Variants in OLR1 observed in about 807,000 individuals in gnomAD.
OLR1 encodes the protein oxidized low density lipoprotein receptor 1, also known as oxidized low-density lipoprotein receptor 1.
In OLR1, 23 loss-of-function variants were observed where a neutral mutation model predicts 31.7. The ratio of observed to expected loss-of-function variants is 0.72; its 90% CI spans 0.52 to 1.03. OLR1 has a LOEUF of 1.03. OLR1 is among the 50% of genes least tolerant of loss of function. The pLI is 0.00. For synonymous variants in OLR1, 117 were observed against 115.8 expected (o/e 1.01, Z -0.07); for missense variants, 286 against 315.7 (o/e 0.91, Z 0.71).
rs775134477 is a variant in OLR1, at chr12:10,159,877, A to T, written c.*3T>A. ...TTTTTCTTTTCTTCCAGAGCCTTCA[A>T]ATTCACTGTGCTCTTAGGTTTGCCT... On this transcript the variant is annotated 3_prime_UTR_variant, in exon 6 of 6. Coordinates refer to ENST00000309539, the MANE Select transcript of OLR1 (RefSeq NM_002543.4). 1.2e-6 allele frequency: 2 copies of T among 1,603,580 alleles called. No individual in the cohort carries two copies. The highest frequency in any genetic ancestry group is 1.7e-6 in the Non-Finnish European group (2 of 1,174,786).
chr12:10,165,903 G>A (rs1275255571), intron 3 of OLR1, among the ~76,000 whole-genome samples: 56 of 152,092 alleles, frequency 3.7e-4, no homozygotes, highest in Non-Finnish European at 1.5e-5. Context: ...GCATAGGGTG[G>A]TTCTGATTAA....
In OLR1 at chr12:10,159,872, C is replaced by CT; in HGVS notation, c.*7dup. On this transcript the variant is annotated 3_prime_UTR_variant, in exon 6 of 6. Coordinates refer to ENST00000309539, the MANE Select transcript of OLR1 (RefSeq NM_002543.4). The stretch of plus-strand genomic sequence containing the variant: ...AGACTTTTTTCTTTTCTTCCAGAGC[C>CT]TTCAAATTCACTGTGCTCTTAGGTT... 6.3e-7 allele frequency: 1 copy of CT among 1,597,660 alleles called. No individual in the cohort carries two copies. The highest frequency in any genetic ancestry group is 8.5e-7 in the Non-Finnish European group (1 of 1,170,718).
At chr12:10,166,279 G>C (rs1056637230) in intron 3 of OLR1, among the ~76,000 whole-genome samples, 1 of 152,052 alleles carries the variant, frequency 6.6e-6, no homozygotes, top group Admixed American at 6.6e-5. Context: ...TGTAATCCTA[G>C]CACTTTGGGA....
chr12:10,165,156 G>T (rs1173259003), intron 3 of OLR1, among the ~76,000 whole-genome samples: 2 of 152,076 alleles, frequency 1.3e-5, no homozygotes, highest in African/African-American at 2.4e-5. Context: ...CCAACTATTC[G>T]GGAGGCTGAG....
upstream of OLR1, among the ~76,000 whole-genome samples, chr12:10,176,196 C>G (rs1315763880): frequency 6.6e-6 from 1 of 152,130 alleles, no homozygotes; most frequent in Non-Finnish European, 1.5e-5. Context: ...TTTCATCATT[C>G]CCTATATGGA....
At chr12:10,160,583 C>G (rs1285719165) in intron 4 of OLR1, 121 bp from the exon 5 acceptor site, 19 of 982,008 alleles carry the variant, frequency 1.9e-5, no homozygotes, top group Non-Finnish European at 3.1e-6. Flanking sequence ...ATCCCCTTGA[C>G]TGTTTTACGG....
intron 3 of OLR1, among the ~76,000 whole-genome samples, chr12:10,164,310 A>G (rs1418124593): frequency 1.3e-5 from 2 of 152,238 alleles, no homozygotes; most frequent in Non-Finnish European, 2.9e-5. Flanking sequence ...CCAACTTTAA[A>G]GAGATTAAAA....
chr12:10,168,988 TGAAA>T, intron 2 of OLR1, 82 bp downstream of exon 2: 1 of 878,620 alleles, frequency 1.1e-6, no homozygotes, highest in African/African-American at 1.7e-5. Context: ...GTAGTTGTTA[TGAAA>T]GAAACTTATA....
chr12:10,166,905 C>A lies in OLR1; in HGVS notation c.231G>T (p.Gln77His). Residue 77 changes from glutamine to histidine, a missense_variant, in exon 3 of 6, where the codon CAG becomes CAT. Coordinates refer to ENST00000309539, the MANE Select transcript of OLR1 (RefSeq NM_002543.4). ...AGATCTGTCCCTCCAGTTTCTTTTT[C>A]TGGTGAGTTAGGTTTGCTTGCTCTT... is the stretch of plus-strand genomic sequence containing the variant. ...LTQEQANLTHQKKKLEGQISA... is the reference protein window; with the variant it reads ...LTQEQANLTHHKKKLEGQISA... 1 of 1,613,608 alleles carries A rather than the reference C, an allele frequency of 6.2e-7. No homozygotes were observed. The highest frequency in any genetic ancestry group is 8.5e-7 in the Non-Finnish European group (1 of 1,179,980).
intron 1 of OLR1, 62 bp from the exon 2 acceptor site, chr12:10,169,237 C>T: frequency 8.5e-7 from 1 of 1,173,246 alleles, no homozygotes; most frequent in Non-Finnish European, 1.2e-6. Context: ...GCAAACCATT[C>T]CTTGGAGCCT....
chr12:10,168,072 T>G (rs1286831787), intron 2 of OLR1, among the ~76,000 whole-genome samples: 1 of 152,168 alleles, frequency 6.6e-6, no homozygotes, highest in Non-Finnish European at 1.5e-5. Flanking sequence ...GAACAACAGT[T>G]AGGAAGCAAA....
chr12:10,166,083 T>C (rs1045293621), intron 3 of OLR1, among the ~76,000 whole-genome samples: 2 of 151,374 alleles, frequency 1.3e-5, no homozygotes, highest in Non-Finnish European at 2.9e-5. Context: ...TGGTGGCTCA[T>C]GTTTGTAATC....
In OLR1 at chr12:10,159,363, T is replaced by G. The variant is rs10505755; in HGVS notation, c.*517A>C. On this transcript the variant is annotated 3_prime_UTR_variant, in exon 6 of 6. Coordinates refer to ENST00000309539, the MANE Select transcript of OLR1 (RefSeq NM_002543.4). ...GTAGAGTCTGGAGATGGACCACAGT[T>G]TAAAAACCAAGGATTGATACCTTTT... is the stretch of plus-strand genomic sequence containing the variant. 61,587 of 153,004 alleles carry G rather than the reference T, an allele frequency of 0.4. 13,877 individuals are homozygous for G. The highest frequency in any genetic ancestry group is 0.57 in the Middle Eastern group (167 of 294). 9.5% of individuals were successfully genotyped at this position (153,004 alleles called of 1,614,324 possible). A position where few individuals can be genotyped will look rare whatever the true frequency, so the allele number is the denominator to read the frequency against.
intron 1 of OLR1, among the ~76,000 whole-genome samples, chr12:10,171,591 T>C (rs564053228): frequency 6.6e-6 from 1 of 152,326 alleles, no homozygotes; most frequent in South Asian, 2.1e-4. Flanking sequence ...CTCCGATGTA[T>C]AGAATTCTGG....
chr12:10,170,071 C>T (rs1948698265), intron 1 of OLR1, among the ~76,000 whole-genome samples: 1 of 152,216 alleles, frequency 6.6e-6, no homozygotes, highest in African/African-American at 2.4e-5. Flanking sequence ...GGTTTAGTGA[C>T]TTGCTTAAGA....
In OLR1 at chr12:10,160,779, C is replaced by T; in HGVS notation, c.564+7G>A. ...CTCCACCCCAACAAATATCCATGAA[C>T]ACTCACCAGATCAGCTGTGCTATTA... On this transcript the variant is annotated splice_region_variant and intron_variant, in intron 4 of 5. Transcript: ENST00000309539. The T allele has an allele frequency of 6.2e-7, 1 of 1,613,550 alleles. No individual in the cohort carries two copies.
In OLR1 at chr12:10,160,470, G is replaced by A. The variant is rs1396046822; in HGVS notation, c.565-8C>T. The A allele has an allele frequency of 3.1e-6, 5 of 1,598,090 alleles. No individual in the cohort carries two copies. Among genetic ancestry groups the A allele is most frequent in the Non-Finnish European group, 4.3e-6 (5 of 1,167,172 alleles). On this transcript the variant is annotated splice_region_variant and splice_polypyrimidine_tract_variant and intron_variant, in intron 4 of 5. Coordinates refer to ENST00000309539, the MANE Select transcript of OLR1 (RefSeq NM_002543.4). ...TGCTTGCTGGATGAAGTCCTGTGGG[G>A]AGTAATGTTTCTGAGTTTGTGGAAT...
rs761012790 is a variant in OLR1 at position 10,160,903 on chromosome 12, G to A, written c.447C>T (p.Ile149=). 68 of 1,613,984 alleles carry A rather than the reference G, an allele frequency of 4.2e-5. 1 individual carries two copies. In the Admixed American group the frequency reaches 1.1e-3, roughly 27 times the overall value. Residue 149 remains isoleucine, a synonymous_variant, in exon 4 of 6, where the codon ATC becomes ATT. Coordinates refer to ENST00000309539, the MANE Select transcript of OLR1 (RefSeq NM_002543.4). ...NCSAPCPQDW[I]WHGENCYLFS... is the part of the protein sequence containing the mutation. The stretch of plus-strand genomic sequence containing the variant: ...ATAGGTAACAGTTTTCTCCATGCCA[G>A]ATCCAGTCTTGCGGACAAGGAGCTG...
Position 10,160,453 on chromosome 12 carries a change from G to A in OLR1, c.574C>T (p.Gln192Ter), listed in dbSNP as rs1433551142. Reference sequence around the variant, plus strand: ...AAACTGGAATAGGAAATTGCTTGCTGGATGAAGTCCTGTGGGGAGTAATGT... The same window carrying A: ...AAACTGGAATAGGAAATTGCTTGCTAGATGAAGTCCTGTGGGGAGTAATGT... ...INSTADLDFI[Q>*]QAISYSSFPF... is the part of the protein sequence containing the mutation. The change falls in exon 5 of 6, where the codon CAG becomes TAG. Residue 192 changes from glutamine (Q) to a stop codon, truncating the protein, a stop_gained. Transcript: ENST00000309539. LOFTEE classifies it high-confidence loss of function. 6.2e-7 allele frequency: 1 copy of A among 1,611,926 alleles called. No individual in the cohort carries two copies. Among genetic ancestry groups the A allele is most frequent in the African/African-American group, 1.3e-5 (1 of 74,872 alleles).
Sources: allele counts gnomAD v4.1 joint callset (sites outside exome capture counted in the v4.1 genomes callset), GRCh38; gene constraint gnomAD v4.1.1; transcripts MANE v1.5; gene names NCBI Gene and HGNC (gene_info 2026-07-23, HGNC 2026-07-21).